The following CCDC60 variants were observed in gnomAD, a reference collection of about 807,000 sequenced individuals.
The protein encoded by CCDC60 is coiled-coil domain containing 60.
A neutral mutation model predicts 63.5 loss-of-function variants in CCDC60; 54 were observed. The observed-to-expected ratio is 0.85, with a 90% confidence interval of 0.68 to 1.07. The LOEUF is 1.07. Ranked by LOEUF, CCDC60 falls within the 50% of genes least tolerant of loss-of-function variation. The pLI is 0.00. For missense variants in CCDC60, 651 were observed against 684.3 expected (o/e 0.95, Z 0.54); for synonymous variants, 206 against 238.8 (o/e 0.86, Z 1.27).
Position 119,530,771 on chromosome 12 carries a change from G to A in CCDC60, c.1362-103G>A, listed in dbSNP as rs898257976. 3.2e-6 allele frequency: 3 copies of A among 945,944 alleles called. No homozygotes were observed. In the South Asian group the frequency reaches 4.9e-5, roughly 15 times the overall value. The allele number at this position is 945,944 out of a possible 1,614,324, so 58.6% of individuals were successfully genotyped here. A position where few individuals can be genotyped will look rare whatever the true frequency, so the allele number is the denominator to read the frequency against. ...CCTAGATAAAGAATACTGCTGCCCT[G>A]GAGACATCACAGAGAGCAGAAAGAG... On this transcript the variant is annotated intron_variant, in intron 12 of 13. Transcript: ENST00000327554.
chr12:119,419,646 C>T (rs1255005351), intron 1 of CCDC60, among the ~76,000 whole-genome samples: 1 of 152,114 alleles, frequency 6.6e-6, no homozygotes, highest in African/African-American at 2.4e-5. Flanking sequence ...GAGCCAGGCC[C>T]TGTACCATGT....
chr12:119,482,135 C>A (rs1053465207), intron 4 of CCDC60, among the ~76,000 whole-genome samples: 2 of 141,478 alleles, frequency 1.4e-5, no homozygotes, highest in Non-Finnish European at 3.1e-5. Context: ...TATATATACA[C>A]ATATATATAC....
intron 1 of CCDC60, among the ~76,000 whole-genome samples, chr12:119,406,830 G>A (rs2136189099): frequency 6.6e-6 from 1 of 152,278 alleles, no homozygotes; most frequent in South Asian, 2.1e-4. Flanking sequence ...ACCAGAGGAT[G>A]CAATACACTA....
chr12:119,460,488 C>A (rs1379320846), intron 2 of CCDC60, among the ~76,000 whole-genome samples: 2 of 152,208 alleles, frequency 1.3e-5, no homozygotes, highest in Non-Finnish European at 2.9e-5. Context: ...ATGGATGATG[C>A]ACCAGTCAGC....
Position 119,528,750 on chromosome 12 carries a change from A to G in CCDC60, c.1361+4A>G. 1 of 1,612,796 alleles carries G rather than the reference A, an allele frequency of 6.2e-7. No homozygotes were observed. Among genetic ancestry groups the G allele is most frequent in the South Asian group, 1.1e-5 (1 of 90,806 alleles). ...CAGAAGAAATTGCAGACCACTGGTA[A>G]ATATCCTAAGAACCAGATAAGATGG... On this transcript the variant is annotated splice_donor_region_variant and intron_variant, in intron 12 of 13. Transcript: ENST00000327554.
rs1384543098 is a variant in CCDC60 at position 119,337,810 on chromosome 12, GTGTGTGTGTGTATT to G, written c.90+2556_90+2569del. On this transcript the variant is annotated intron_variant, in intron 1 of 13. Transcript: ENST00000327554. The stretch of plus-strand genomic sequence containing the variant: ...GGACAGCTAATTTAGATTCACGCAT[GTGTGTGTGTGTATT>G]TGTGTGTGTGTGTGTGTGTGTGTGT... Among the ~76,000 whole-genome samples, 1,088 of 140,506 alleles carry G rather than the reference GTGTGTGTGTGTATT, an allele frequency of 7.7e-3. 6 individuals carry two copies. The highest frequency in any genetic ancestry group is 0.011 in the Non-Finnish European group (745 of 65,370). 92.2% of individuals were successfully genotyped at this position (140,506 alleles called of 152,430 possible).
intron 12 of CCDC60, among the ~76,000 whole-genome samples, chr12:119,529,764 G>C (rs1236468564): frequency 6.6e-6 from 1 of 152,098 alleles, no homozygotes; most frequent in Non-Finnish European, 1.5e-5. Flanking sequence ...TCTTCCCTCT[G>C]TGGGAGGGAA....
intron 1 of CCDC60, among the ~76,000 whole-genome samples, chr12:119,349,591 A>G (rs1955633975): frequency 6.6e-6 from 1 of 151,354 alleles, no homozygotes; most frequent in Admixed American, 6.6e-5. Flanking sequence ...TGCCCATCTC[A>G]GCCTCCCAAA....
chr12:119,478,826 T>C (rs879368608), intron 3 of CCDC60, among the ~76,000 whole-genome samples: 5 of 152,012 alleles, frequency 3.3e-5, no homozygotes, highest in Non-Finnish European at 5.9e-5. Context: ...AGGATGGTCT[T>C]GATCTCCTGA....
At chr12:119,516,765 C>A in intron 8 of CCDC60, 58 bp downstream of exon 8, 1 of 1,202,578 alleles carries the variant, frequency 8.3e-7, no homozygotes, top group Non-Finnish European at 1.2e-6. Context: ...ATCACATTAA[C>A]AGTAGTAGTT....
intron 1 of CCDC60, among the ~76,000 whole-genome samples, chr12:119,344,649 T>C (rs1955568037): frequency 6.6e-6 from 1 of 152,218 alleles, no homozygotes. Flanking sequence ...AATGACCCTC[T>C]ATTGTCCTGA....
At position 119,530,823 on chromosome 12, in the gene CCDC60, C is replaced by T. The variant is rs751190277; in HGVS notation, c.1362-51C>T. ...AAGTGGAGATGGATGGCCAGAGGTG[C>T]TCAGATCTTCCAGCAGCTTCCTAAC... On this transcript the variant is annotated intron_variant, in intron 12 of 13. Coordinates refer to ENST00000327554, the MANE Select transcript of CCDC60 (RefSeq NM_178499.5). 2.6e-6 allele frequency: 4 copies of T among 1,522,230 alleles called. No homozygotes were observed. In the South Asian group the frequency reaches 3.6e-5, roughly 14 times the overall value. The allele number at this position is 1,522,230 out of a possible 1,614,324, so 94.3% of individuals were successfully genotyped here.
At chr12:119,405,248 C>A (rs1378140742) in intron 1 of CCDC60, among the ~76,000 whole-genome samples, 3 of 152,232 alleles carry the variant, frequency 2.0e-5, no homozygotes, top group African/African-American at 4.8e-5. Flanking sequence ...GCGACTTGAT[C>A]CTCATTGGTG....
chr12:119,389,478 T>C (rs969501445), intron 1 of CCDC60, among the ~76,000 whole-genome samples: 1 of 152,110 alleles, frequency 6.6e-6, no homozygotes, highest in Non-Finnish European at 1.5e-5. Context: ...TATTCCCCTG[T>C]GGTGCCAGCA....
chr12:119,518,147 C>T (rs73408229), intron 8 of CCDC60, among the ~76,000 whole-genome samples: 2,832 of 152,232 alleles, frequency 0.019, 87 homozygotes, highest in African/African-American at 0.063. Context: ...TGGAAGGTGG[C>T]ACTTGGAGGC....
At chr12:119,405,267 G>A (rs140338197) in intron 1 of CCDC60, among the ~76,000 whole-genome samples, 164 of 152,254 alleles carry the variant, frequency 1.1e-3, no homozygotes, top group African/African-American at 3.7e-3. Flanking sequence ...TGGCAACTGC[G>A]GTTTCTCATC....
At chr12:119,408,549 C>A (rs547728577) in intron 1 of CCDC60, among the ~76,000 whole-genome samples, 1 of 152,176 alleles carries the variant, frequency 6.6e-6, no homozygotes, top group Non-Finnish European at 1.5e-5. Context: ...AAGGGCTGGG[C>A]GCAGTGGCTC....
chr12:119,431,375 G>A (rs1188075777), intron 2 of CCDC60, among the ~76,000 whole-genome samples: 1 of 152,192 alleles, frequency 6.6e-6, no homozygotes, highest in Non-Finnish European at 1.5e-5. Flanking sequence ...CTCTTGTGCT[G>A]AGTCAGTTCT....
At chr12:119,400,448 G>A (rs1209901336) in intron 1 of CCDC60, among the ~76,000 whole-genome samples, 1 of 152,220 alleles carries the variant, frequency 6.6e-6, no homozygotes, top group Non-Finnish European at 1.5e-5. Flanking sequence ...TCGCTAAAAA[G>A]GGAAAGAAAT....
Sources: gnomAD v4.1 joint callset for allele counts (sites outside exome capture counted in the v4.1 genomes callset) on GRCh38, gnomAD v4.1.1 for gene constraint, MANE v1.5 for transcripts, NCBI Gene and HGNC (gene_info 2026-07-23, HGNC 2026-07-21) for gene names.